RBFOX1: variants seen among roughly 807,000 people sequenced by gnomAD.
RBFOX1 encodes RNA binding protein fox-1 homolog 1.
A neutral mutation model predicts 57.7 loss-of-function variants in RBFOX1; 8 were observed. The ratio of observed to expected loss-of-function variants is 0.14; its 90% CI spans 0.08 to 0.25. The LOEUF is 0.25. RBFOX1 is among the 10% of genes least tolerant of loss of function. RBFOX1 has a pLI of 1.00. For synonymous variants in RBFOX1, 326 were observed against 222.4 expected (o/e 1.47, Z -4.15); for missense variants, 611 against 548.5 (o/e 1.11, Z -1.14).
At chr16:7,300,950 T>C (rs1242355784) in intron 4 of RBFOX1, among the ~76,000 whole-genome samples, 1 of 152,174 alleles carries the variant, frequency 6.6e-6, no homozygotes, top group Non-Finnish European at 1.5e-5. Flanking sequence ...ACCCATGTGA[T>C]GTTGAATGTC....
intron 3 of RBFOX1, among the ~76,000 whole-genome samples, chr16:6,669,288 A>G (rs1315950528): frequency 6.6e-6 from 1 of 152,122 alleles, no homozygotes; most frequent in East Asian, 1.9e-4. Context: ...TATCACATGA[A>G]CACACTCACC....
Position 5,688,502 on chromosome 16 carries a change from G to A in RBFOX1, c.318+89541G>A, listed in dbSNP as rs902844212. On this transcript the variant is annotated intron_variant, in intron 3 of 19. Coordinates refer to the RBFOX1 transcript ENST00000641259. Reference sequence around the variant, plus strand: ...TGCATTTCCTATTTGTAAGAATACAGAGAGGTGGTTCTTGTACCTCCCAGA... The same window carrying A: ...TGCATTTCCTATTTGTAAGAATACAAAGAGGTGGTTCTTGTACCTCCCAGA... 2.6e-5 allele frequency among the ~76,000 whole-genome samples: 4 copies of A among 152,266 alleles called. No homozygotes were observed. In the East Asian group the frequency reaches 5.8e-4, roughly 22 times the overall value.
At chr16:5,717,326 A>C (rs1486047793) in intron 3 of RBFOX1, among the ~76,000 whole-genome samples, 1 of 152,028 alleles carries the variant, frequency 6.6e-6, no homozygotes, top group African/African-American at 2.4e-5. Flanking sequence ...AAGGCCATCT[A>C]TCTTTTTTTC....
rs200877788 is a variant in RBFOX1, at chr16:7,260,482, C to T, written c.27+208384C>T. ...TAAGGCACTGTTTGATTTTTTTTTT[C>T]GTGCATATTGATGTACTCTTTCCCC... On this transcript the variant is annotated intron_variant, in intron 4 of 15. Coordinates refer to ENST00000550418, the MANE Select transcript of RBFOX1 (RefSeq NM_018723.4). 1.8e-4 allele frequency among the ~76,000 whole-genome samples: 27 copies of T among 151,218 alleles called. No homozygotes were observed. In the East Asian group the frequency reaches 3.1e-3, roughly 17 times the overall value.
chr16:7,355,082 A>G lies in RBFOX1; in HGVS notation c.28-163065A>G, dbSNP rs115982916. Among the ~76,000 whole-genome samples, 886 of 152,266 alleles carry G rather than the reference A, an allele frequency of 5.8e-3. 11 individuals carry two copies. The highest frequency in any genetic ancestry group is 0.02 in the African/African-American group (827 of 41,568). The stretch of plus-strand genomic sequence containing the variant: ...ATGAGGTCTTAGTTAATCCTCCCAA[A>G]ACTCTAACAGGTAGCTACCGCTATC... On this transcript the variant is annotated intron_variant, in intron 4 of 15. Coordinates refer to ENST00000550418, the MANE Select transcript of RBFOX1 (RefSeq NM_018723.4).
At chr16:5,511,039 A>G (rs1314007736) in intron 2 of RBFOX1, among the ~76,000 whole-genome samples, 1 of 152,176 alleles carries the variant, frequency 6.6e-6, no homozygotes, top group African/African-American at 2.4e-5. Flanking sequence ...GTCCTTTGGA[A>G]GGAAGGAGAG....
chr16:6,008,040 C>G (rs887524611), intron 4 of RBFOX1, among the ~76,000 whole-genome samples: 1 of 152,064 alleles, frequency 6.6e-6, no homozygotes, highest in African/African-American at 2.4e-5. Context: ...CTCATCTCTA[C>G]TGAAAACACA....
chr16:6,817,279 G>A (rs75669159), intron 3 of RBFOX1, among the ~76,000 whole-genome samples: 1 of 152,060 alleles, frequency 6.6e-6, no homozygotes, highest in Non-Finnish European at 1.5e-5. Flanking sequence ...CCACCTTAAT[G>A]TGTCATAGCT....
intron 1 of RBFOX1, among the ~76,000 whole-genome samples, chr16:6,059,897 G>C (rs551807937): frequency 1.5e-4 from 23 of 152,076 alleles, no homozygotes; most frequent in African/African-American, 4.8e-4. Context: ...AGAGAATAAA[G>C]GATCATTTGT....
intron 4 of RBFOX1, among the ~76,000 whole-genome samples, chr16:7,204,624 C>T (rs1603030864): frequency 6.6e-6 from 1 of 152,092 alleles, no homozygotes; most frequent in East Asian, 1.9e-4. Context: ...TCAGCCTGGG[C>T]AACAGAACAA....
intron 4 of RBFOX1, among the ~76,000 whole-genome samples, chr16:7,217,212 C>T (rs892855182): frequency 1.5e-4 from 22 of 151,288 alleles, no homozygotes; most frequent in African/African-American, 5.3e-4. Flanking sequence ...TGAAGAGATT[C>T]TCCTCCCACA....
intron 2 of RBFOX1, among the ~76,000 whole-genome samples, chr16:6,561,299 C>A (rs1025118780): frequency 6.6e-6 from 1 of 152,164 alleles, no homozygotes; most frequent in Non-Finnish European, 1.5e-5. Context: ...GTAAATGTTC[C>A]ATGGTTTCAG....
intron 4 of RBFOX1, among the ~76,000 whole-genome samples, chr16:5,966,391 G>C (rs2059843873): frequency 6.6e-6 from 1 of 152,182 alleles, no homozygotes; most frequent in South Asian, 2.1e-4. Flanking sequence ...GGCAACATGA[G>C]GGCTGACGGT....
chr16:6,915,336 G>C (rs1250837540), intron 3 of RBFOX1, among the ~76,000 whole-genome samples: 1 of 152,108 alleles, frequency 6.6e-6, no homozygotes, highest in Non-Finnish European at 1.5e-5. Flanking sequence ...GTTCCTTTCT[G>C]CAGGGAGGAA....
intron 3 of RBFOX1, among the ~76,000 whole-genome samples, chr16:6,894,681 C>T (rs746869137): frequency 6.6e-6 from 1 of 152,162 alleles, no homozygotes; most frequent in Admixed American, 6.5e-5. Context: ...AAACTGATAG[C>T]CTCGACCTCA....
chr16:7,341,188 G>A (rs945741033), intron 4 of RBFOX1, among the ~76,000 whole-genome samples: 6 of 152,134 alleles, frequency 3.9e-5, no homozygotes, highest in Non-Finnish European at 8.8e-5. Context: ...GAGCCAGCAT[G>A]TTCACTTGAT....
chr16:5,531,574 G>C (rs1210054472), intron 2 of RBFOX1, among the ~76,000 whole-genome samples: 1 of 152,188 alleles, frequency 6.6e-6, no homozygotes, highest in African/African-American at 2.4e-5. Context: ...GGGACCTTGG[G>C]AATGTGTCTT....
intron 3 of RBFOX1, among the ~76,000 whole-genome samples, chr16:6,766,173 A>T (rs144159213): frequency 5.3e-4 from 81 of 152,216 alleles, no homozygotes; most frequent in African/African-American, 1.9e-3. Context: ...AAAATTTTAG[A>T]TATGGAGAAA....
intron 3 of RBFOX1, among the ~76,000 whole-genome samples, chr16:6,962,603 A>G (rs1285955845): frequency 6.6e-6 from 1 of 152,130 alleles, no homozygotes; most frequent in Non-Finnish European, 1.5e-5. Context: ...GCTCATGCCT[A>G]CCTATAATCC....
Sources: gnomAD v4.1 joint callset for allele counts (sites outside exome capture counted in the v4.1 genomes callset) on GRCh38, gnomAD v4.1.1 for gene constraint, MANE v1.5 for transcripts, NCBI Gene and HGNC (gene_info 2026-07-23, HGNC 2026-07-21) for gene names.